ADAMTS6: variants seen among roughly 807,000 people sequenced by gnomAD.
The protein encoded by ADAMTS6 is A disintegrin and metalloproteinase with thrombospondin motifs 6.
A neutral mutation model predicts 144.3 loss-of-function variants in ADAMTS6; 23 were observed. That is an observed-to-expected ratio of 0.16 (90% CI 0.11 to 0.23). The LOEUF (loss-of-function observed/expected upper bound fraction) is 0.23, where lower values mean the gene tolerates loss of function less well. Ranked by LOEUF, ADAMTS6 falls within the 10% of genes least tolerant of loss-of-function variation. The pLI is 1.00. For synonymous variants in ADAMTS6, 444 were observed against 457.5 expected, an observed-to-expected ratio of 0.97 and a Z score of 0.38; for missense variants, 999 against 1,379.6, an observed-to-expected ratio of 0.72 and a Z score of 4.37.
intron 7 of ADAMTS6, among the ~76,000 whole-genome samples, chr5:65,375,560 G>T (rs150346987): frequency 6.6e-6 from 1 of 152,034 alleles, no homozygotes; most frequent in Non-Finnish European, 1.5e-5. Flanking sequence ...ACCACAATGA[G>T]ATACCATCTC....
intron 7 of ADAMTS6, among the ~76,000 whole-genome samples, chr5:65,373,010 G>A (rs1202566569): frequency 3.9e-5 from 6 of 152,184 alleles, no homozygotes; most frequent in Non-Finnish European, 8.8e-5. Flanking sequence ...AATGACTACT[G>A]GGTACGTAAC....
chr5:65,399,966 T>C (rs1753779351), intron 7 of ADAMTS6, among the ~76,000 whole-genome samples: 1 of 152,220 alleles, frequency 6.6e-6, no homozygotes, highest in African/African-American at 2.4e-5. Context: ...TCCCAGTTTT[T>C]GTTCATCTGA....
intron 7 of ADAMTS6, among the ~76,000 whole-genome samples, chr5:65,373,536 C>G (rs1262460872): frequency 6.6e-6 from 1 of 151,476 alleles, no homozygotes. Flanking sequence ...TCGACACATA[C>G]ACTCTCCCAA....
chr5:65,210,109 T>G (rs1278140570), intron 20 of ADAMTS6: 1 of 219,934 alleles, frequency 4.5e-6, no homozygotes, highest in East Asian at 1.1e-4. Context: ...CGTACTATAT[T>G]GGCCTGCTGC....
chr5:65,188,948 G>C (rs1754834166), intron 21 of ADAMTS6, among the ~76,000 whole-genome samples: 1 of 152,206 alleles, frequency 6.6e-6, no homozygotes, highest in Non-Finnish European at 1.5e-5. Context: ...AAGATAGGAT[G>C]TGAATGTCCT....
chr5:65,294,408 C>T (rs574046381), intron 10 of ADAMTS6, among the ~76,000 whole-genome samples: 23 of 152,256 alleles, frequency 1.5e-4, no homozygotes, highest in Admixed American at 1.2e-3. Flanking sequence ...CTGAGTCTCA[C>T]CATCTTGCCC....
intron 22 of ADAMTS6, among the ~76,000 whole-genome samples, chr5:65,180,854 C>G (rs1170214923): frequency 6.6e-6 from 1 of 152,190 alleles, no homozygotes; most frequent in Non-Finnish European, 1.5e-5. Flanking sequence ...TTCCAATATT[C>G]TCCAGTGCTA....
intron 1 of ADAMTS6, among the ~76,000 whole-genome samples, chr5:65,477,668 T>TA (rs1399168639): frequency 6.6e-6 from 1 of 152,170 alleles, no homozygotes; most frequent in Non-Finnish European, 1.5e-5. Flanking sequence ...GCTTTGAAGT[T>TA]AAACAAACCA....
At position 65,327,148 on chromosome 5, in the gene ADAMTS6, G is replaced by C. The variant is rs548219644; in HGVS notation, c.1223+2230C>G. Among the ~76,000 whole-genome samples the C allele has an allele frequency of 1.6e-3, 242 of 152,172 alleles. 1 individual carries two copies. The highest frequency in any genetic ancestry group is 5.5e-3 in the African/African-American group (229 of 41,540). On this transcript the variant is annotated intron_variant, in intron 9 of 24. Coordinates refer to ENST00000381055, the MANE Select transcript of ADAMTS6 (RefSeq NM_197941.4). Reference sequence around the variant, plus strand: ...TTTAAAAGAGCACAGCATCTCCCTTGCTCCCTCTCTTGCCATGTGGTGCAC... The same window carrying C: ...TTTAAAAGAGCACAGCATCTCCCTTCCTCCCTCTCTTGCCATGTGGTGCAC...
At chr5:65,347,983 A>G (rs1748505975) in intron 7 of ADAMTS6, among the ~76,000 whole-genome samples, 1 of 152,220 alleles carries the variant, frequency 6.6e-6, no homozygotes, top group South Asian at 2.1e-4. Context: ...AAATCATCTC[A>G]TACTTGTTAG....
chr5:65,371,452 G>A (rs1229959027), intron 7 of ADAMTS6, among the ~76,000 whole-genome samples: 1 of 152,070 alleles, frequency 6.6e-6, no homozygotes, highest in Non-Finnish European at 1.5e-5. Flanking sequence ...GAAAACCAAG[G>A]CTCGAGAACT....
chr5:65,310,193 G>A (rs1744358505), intron 9 of ADAMTS6, among the ~76,000 whole-genome samples: 1 of 151,612 alleles, frequency 6.6e-6, no homozygotes, highest in Non-Finnish European at 1.5e-5. Flanking sequence ...TTAAGTTCCT[G>A]GAGGCCTCCC....
intron 20 of ADAMTS6, 96 bp from the exon 21 acceptor site, chr5:65,197,247 G>T: frequency 7.9e-7 from 1 of 1,264,174 alleles, no homozygotes; most frequent in Non-Finnish European, 1.1e-6. Flanking sequence ...GACCTCACTG[G>T]ATCGCTGCCG....
intron 7 of ADAMTS6, among the ~76,000 whole-genome samples, chr5:65,413,477 G>T (rs1355327978): frequency 6.6e-6 from 1 of 151,936 alleles, no homozygotes; most frequent in Non-Finnish European, 1.5e-5. Flanking sequence ...ATTGTAAAAA[G>T]ATTCAATATT....
chr5:65,163,473 A>G (rs1752913133), intron 24 of ADAMTS6, among the ~76,000 whole-genome samples: 1 of 152,182 alleles, frequency 6.6e-6, no homozygotes, highest in Admixed American at 6.5e-5. Flanking sequence ...GCTTAAGTAT[A>G]AAAAAACAGA....
chr5:65,371,309 A>G (rs1266439746), intron 7 of ADAMTS6, among the ~76,000 whole-genome samples: 1 of 152,150 alleles, frequency 6.6e-6, no homozygotes, highest in African/African-American at 2.4e-5. Context: ...GGCTTCAAAC[A>G]ATCAAATTAC....
Position 65,242,084 on chromosome 5 carries a change from T to C in ADAMTS6, c.1933+20A>G. On this transcript the variant is annotated intron_variant, in intron 15 of 24. Transcript: ENST00000381055. The stretch of plus-strand genomic sequence containing the variant: ...TTGCAAAGTGCTCAAGCATGAATGC[T>C]CTGTCAGGTTATACATTACCTCCAG... 2 of 1,510,716 alleles carry C rather than the reference T, an allele frequency of 1.3e-6. No individual in the cohort carries two copies. The highest frequency in any genetic ancestry group is 1.8e-6 in the Non-Finnish European group (2 of 1,109,328). 93.6% of individuals were successfully genotyped at this position (1,510,716 alleles called of 1,614,324 possible).
chr5:65,314,945 A>C (rs1234545369), intron 9 of ADAMTS6, among the ~76,000 whole-genome samples: 1 of 152,184 alleles, frequency 6.6e-6, no homozygotes, highest in African/African-American at 2.4e-5. Context: ...ACATTTGATC[A>C]TACACCTTGT....
At chr5:65,360,300 G>A (rs559959709) in intron 7 of ADAMTS6, among the ~76,000 whole-genome samples, 3 of 152,078 alleles carry the variant, frequency 2.0e-5, no homozygotes, top group African/African-American at 7.2e-5. Context: ...TCAAGAGAAC[G>A]GCACTAGGAG....
Sources: allele counts gnomAD v4.1 joint callset (sites outside exome capture counted in the v4.1 genomes callset), GRCh38; gene constraint gnomAD v4.1.1; transcripts MANE v1.5; gene names NCBI Gene and HGNC (gene_info 2026-07-23, HGNC 2026-07-21).